Variants in CAMK4 observed in about 807,000 individuals in gnomAD.
CAMK4 encodes the protein calcium/calmodulin dependent protein kinase IV, also known as calcium/calmodulin-dependent protein kinase type IV.
A neutral mutation model predicts 44.9 loss-of-function variants in CAMK4; 22 were observed. The observed-to-expected ratio is 0.49, with a 90% CI of 0.35 to 0.70. The LOEUF is 0.70. Ranked by LOEUF, CAMK4 falls within the 30% of genes least tolerant of loss-of-function variation. The pLI, the probability that CAMK4 is intolerant of heterozygous loss-of-function variation, is 0.01. For synonymous variants in CAMK4, 218 were observed against 215.4 expected (o/e 1.01, Z -0.11); for missense variants, 498 against 586.8 (o/e 0.85, Z 1.56).
chr5:111,449,268 C>T, intron 7 of CAMK4, 65 bp downstream of exon 7: 1 of 757,284 alleles, frequency 1.3e-6, no homozygotes, highest in Non-Finnish European at 2.1e-6. Flanking sequence ...GTTTAGCAAT[C>T]TCATTTTTAA....
At chr5:111,256,628 A>G (rs935219950) in intron 1 of CAMK4, among the ~76,000 whole-genome samples, 9 of 152,188 alleles carry the variant, frequency 5.9e-5, no homozygotes, top group Non-Finnish European at 1.5e-5. Context: ...TTTCTTACCA[A>G]TCAATATCGG....
chr5:111,315,267 A>C (rs435021), intron 1 of CAMK4, among the ~76,000 whole-genome samples: 1 of 151,868 alleles, frequency 6.6e-6, no homozygotes, highest in Non-Finnish European at 1.5e-5. Flanking sequence ...TTAGCTTTTC[A>C]ATTGATTAGG....
intron 2 of CAMK4, among the ~76,000 whole-genome samples, chr5:111,353,572 A>G (rs1053599433): frequency 1.3e-5 from 2 of 152,132 alleles, no homozygotes; most frequent in African/African-American, 4.8e-5. Flanking sequence ...TTGTCTCTGT[A>G]GATTATATGA....
At chr5:111,344,936 A>G (rs1451343333) in intron 2 of CAMK4, among the ~76,000 whole-genome samples, 2 of 151,926 alleles carry the variant, frequency 1.3e-5, no homozygotes, top group African/African-American at 4.8e-5. Context: ...ATTCTTTTAT[A>G]ACACATTCAT....
intron 1 of CAMK4, among the ~76,000 whole-genome samples, chr5:111,260,817 C>G (rs1749941879): frequency 6.6e-6 from 1 of 152,190 alleles, no homozygotes; most frequent in African/African-American, 2.4e-5. Context: ...GTCAACCTTT[C>G]TCAGTTATAT....
Position 111,411,659 on chromosome 5 carries a change from A to T in CAMK4, c.459+16877A>T, listed in dbSNP as rs557070967. Among the ~76,000 whole-genome samples, 220 of 152,314 alleles carry T rather than the reference A, an allele frequency of 1.4e-3. 1 individual carries two copies. Among genetic ancestry groups the T allele is most frequent in the Non-Finnish European group, 2.7e-3 (184 of 68,024 alleles). On this transcript the variant is annotated intron_variant, in intron 5 of 10. Transcript: ENST00000282356. ...TTCTCCTTTGTGATCATCACTATTT[A>T]CAATTAAGGTAAATGATGATTTACA...
At chr5:111,259,023 G>T (rs1749865767) in intron 1 of CAMK4, among the ~76,000 whole-genome samples, 1 of 152,100 alleles carries the variant, frequency 6.6e-6, no homozygotes, top group Non-Finnish European at 1.5e-5. Flanking sequence ...ATGCTAATTT[G>T]TCAAGTGGTA....
chr5:111,291,668 A>G (rs966844925), intron 1 of CAMK4, among the ~76,000 whole-genome samples: 1 of 152,036 alleles, frequency 6.6e-6, no homozygotes, highest in Non-Finnish European at 1.5e-5. Flanking sequence ...GGACCACCAT[A>G]CCCAGCTAAT....
At chr5:111,318,312 T>C (rs1748519901) in intron 1 of CAMK4, among the ~76,000 whole-genome samples, 1 of 152,186 alleles carries the variant, frequency 6.6e-6, no homozygotes, top group South Asian at 2.1e-4. Context: ...GTAGTACCCC[T>C]GTGCCTGTCC....
intron 1 of CAMK4, among the ~76,000 whole-genome samples, chr5:111,271,224 T>C (rs950976897): frequency 3.9e-5 from 6 of 152,186 alleles, no homozygotes; most frequent in Non-Finnish European, 7.3e-5. Flanking sequence ...ACGTATCTGG[T>C]AATATTTAAG....
At chr5:111,289,809 A>G (rs1330225194) in intron 1 of CAMK4, among the ~76,000 whole-genome samples, 2 of 152,188 alleles carry the variant, frequency 1.3e-5, no homozygotes, top group African/African-American at 2.4e-5. Flanking sequence ...CCCCACATTC[A>G]TACTTCTCCC....
intron 1 of CAMK4, among the ~76,000 whole-genome samples, chr5:111,248,393 A>G (rs560929123): frequency 2.6e-4 from 40 of 152,274 alleles, no homozygotes; most frequent in African/African-American, 9.4e-4. Context: ...GGAACCAGCC[A>G]GTAAGATCGA....
chr5:111,459,777 A>T (rs1325781634), intron 7 of CAMK4, among the ~76,000 whole-genome samples: 1 of 142,884 alleles, frequency 7.0e-6, no homozygotes, highest in African/African-American at 2.7e-5. Flanking sequence ...TCACTGCATC[A>T]CTGCAAGCTC....
intron 1 of CAMK4, among the ~76,000 whole-genome samples, chr5:111,270,645 A>T (rs189828549): frequency 2.0e-4 from 31 of 152,126 alleles, no homozygotes; most frequent in African/African-American, 7.0e-4. Flanking sequence ...ACTCCTCTTA[A>T]ATTCCATGAA....
At chr5:111,436,519 GCTTC>G (rs1311888511) in intron 5 of CAMK4, among the ~76,000 whole-genome samples, 2 of 152,138 alleles carry the variant, frequency 1.3e-5, no homozygotes, top group Non-Finnish European at 2.9e-5. Flanking sequence ...GCAAAATGAT[GCTTC>G]ATTCTGAGAC....
rs189229441 is a variant in CAMK4, at chr5:111,226,289, A to G, written c.161+1645A>G. On this transcript the variant is annotated intron_variant, in intron 1 of 10. Transcript: ENST00000282356. ...AAAATGGGAAAAAAATAAACTGCCA[A>G]TTGTATACCCCTATGAGATGGTAGC... Among the ~76,000 whole-genome samples, 15 of 152,356 alleles carry G rather than the reference A, an allele frequency of 9.8e-5. No individual in the cohort carries two copies. In the East Asian group the frequency reaches 1.9e-3, roughly 20 times the overall value.
chr5:111,286,511 C>G (rs1174563955), intron 1 of CAMK4, among the ~76,000 whole-genome samples: 1 of 152,008 alleles, frequency 6.6e-6, no homozygotes, highest in Non-Finnish European at 1.5e-5. Context: ...CTTTGCAGCC[C>G]CTCTTTCAAA....
chr5:111,312,685 T>C (rs1346946084), intron 1 of CAMK4, among the ~76,000 whole-genome samples: 1 of 152,158 alleles, frequency 6.6e-6, no homozygotes, highest in Non-Finnish European at 1.5e-5. Context: ...CTTTAGGTTG[T>C]GCCTTCTAAG....
intron 5 of CAMK4, among the ~76,000 whole-genome samples, chr5:111,429,735 T>C (rs1441822004): frequency 1.7e-5 from 2 of 118,408 alleles, no homozygotes; most frequent in African/African-American, 6.6e-5. Context: ...ATCACACCAC[T>C]GCACTGCACT....
Sources: gnomAD v4.1 joint callset for allele counts (sites outside exome capture counted in the v4.1 genomes callset) on GRCh38, gnomAD v4.1.1 for gene constraint, MANE v1.5 for transcripts, NCBI Gene and HGNC (gene_info 2026-07-23, HGNC 2026-07-21) for gene names.